The following GPR39 variants were observed in gnomAD, a reference collection of about 807,000 sequenced individuals.
GPR39 encodes the protein G protein-coupled receptor 39, also known as zinc sensing receptor.
A neutral mutation model predicts 18.4 loss-of-function variants in GPR39; 23 were observed. That is an observed-to-expected ratio of 1.25 (90% CI 0.90 to 1.77). The LOEUF (loss-of-function observed/expected upper bound fraction) is 1.77, where lower values mean the gene tolerates loss of function less well. Ranked by LOEUF, GPR39 falls within the 40% of genes most tolerant of loss-of-function variation. The pLI is 0.00. For synonymous variants in GPR39, 280 were observed against 257.9 expected (o/e 1.09, Z -0.82); for missense variants, 647 against 602.4 (o/e 1.07, Z -0.78).
At chr2:132,453,331 GT>G (rs1364902094) in intron 1 of GPR39, among the ~76,000 whole-genome samples, 2 of 152,012 alleles carry the variant, frequency 1.3e-5, no homozygotes, top group Non-Finnish European at 2.9e-5. Context: ...GGGGTTGTTT[GT>G]TTTTTACTTG....
chr2:132,565,647 G>A (rs575710912), intron 1 of GPR39, among the ~76,000 whole-genome samples: 18 of 144,588 alleles, frequency 1.2e-4, no homozygotes, highest in African/African-American at 3.1e-4. Flanking sequence ...GAGAATATGC[G>A]GTGTTTGATT....
At chr2:132,584,813 C>T (rs1680696562) in intron 1 of GPR39, among the ~76,000 whole-genome samples, 1 of 152,220 alleles carries the variant, frequency 6.6e-6, no homozygotes, top group Non-Finnish European at 1.5e-5. Flanking sequence ...TTCGCTCCCC[C>T]AAACTGGAAT....
chr2:132,427,403 G>A (rs569636272), intron 1 of GPR39, among the ~76,000 whole-genome samples: 2 of 149,902 alleles, frequency 1.3e-5, no homozygotes, highest in Non-Finnish European at 3.0e-5. Flanking sequence ...TCCTGACCTC[G>A]TGATCCACCC....
intron 1 of GPR39, among the ~76,000 whole-genome samples, chr2:132,547,985 C>T (rs1201123021): frequency 2.6e-5 from 4 of 152,162 alleles, no homozygotes; most frequent in Non-Finnish European, 5.9e-5. Flanking sequence ...CAGCCCAGCA[C>T]ACTTCTCCTT....
At chr2:132,449,005 G>A (rs772137210) in intron 1 of GPR39, among the ~76,000 whole-genome samples, 55 of 152,308 alleles carry the variant, frequency 3.6e-4, no homozygotes, top group South Asian at 8.3e-4. Flanking sequence ...CCTGCAGGCT[G>A]TTTGCAAACT....
chr2:132,587,615 TC>T (rs1680753371), intron 1 of GPR39, among the ~76,000 whole-genome samples: 1 of 152,140 alleles, frequency 6.6e-6, no homozygotes, highest in Admixed American at 6.5e-5. Context: ...CACTGCAACC[TC>T]TGCCTCCTGG....
chr2:132,511,907 G>C (rs547147645), intron 1 of GPR39, among the ~76,000 whole-genome samples: 1 of 149,414 alleles, frequency 6.7e-6, no homozygotes, highest in African/African-American at 2.5e-5. Context: ...TTGAACCACT[G>C]TGCTACGTGC....
intron 1 of GPR39, among the ~76,000 whole-genome samples, chr2:132,599,309 T>C (rs60796236): frequency 0.023 from 3,557 of 152,326 alleles, 149 homozygotes; most frequent in African/African-American, 0.078. Flanking sequence ...TCTGCTTTCC[T>C]ATAATCAGAA....
At chr2:132,641,043 C>A (rs947674667) in intron 1 of GPR39, among the ~76,000 whole-genome samples, 1 of 152,114 alleles carries the variant, frequency 6.6e-6, no homozygotes, top group African/African-American at 2.4e-5. Context: ...AACTATCTTT[C>A]AAAACACAGG....
chr2:132,470,591 A>T (rs1340509185), intron 1 of GPR39, among the ~76,000 whole-genome samples: 1 of 152,124 alleles, frequency 6.6e-6, no homozygotes, highest in East Asian at 1.9e-4. Context: ...AGGGTGAGCC[A>T]TTGTGGTTGT....
chr2:132,438,499 G>A (rs1233658094), intron 1 of GPR39, among the ~76,000 whole-genome samples: 1 of 150,828 alleles, frequency 6.6e-6, no homozygotes, highest in Non-Finnish European at 1.5e-5. Context: ...GATTCCCTTA[G>A]GTCAGGGGTT....
Position 132,417,165 on chromosome 2 carries a change from C to G in GPR39, c.123C>G (p.Phe41Leu). Residue 41 changes from phenylalanine (F) to leucine (L), a missense_variant, in exon 1 of 2, where the codon TTC (phenylalanine) becomes TTG (leucine). Physicochemically the swap from Phe to Leu is conservative, Grantham distance 22. Around this residue, in one of 3 missense-constraint regions of GPR39, gnomAD observed 61 missense variants for 79.2 expected, o/e 0.77. Transcript: ENST00000329321. ...ITLILVYLII[F>L]VMGLLGNSAT... ...TTATTCTGGTGTACCTGATCATCTT[C>G]GTGATGGGCCTTCTGGGGAACAGCG... 1.2e-6 allele frequency: 2 copies of G among 1,614,168 alleles called. No individual in the cohort carries two copies. The highest frequency in any genetic ancestry group is 1.7e-6 in the Non-Finnish European group (2 of 1,180,024).
chr2:132,618,472 C>T (rs767981212), intron 1 of GPR39, among the ~76,000 whole-genome samples: 5 of 152,166 alleles, frequency 3.3e-5, no homozygotes, highest in East Asian at 1.9e-4. Context: ...AGGGCTTTCT[C>T]GATCACAAAT....
At chr2:132,490,871 C>T (rs1050506687) in intron 1 of GPR39, among the ~76,000 whole-genome samples, 3 of 152,098 alleles carry the variant, frequency 2.0e-5, no homozygotes, top group Admixed American at 2.0e-4. Flanking sequence ...CCCCAAATAT[C>T]CACCCTGGTT....
chr2:132,490,734 A>AG (rs930311773), intron 1 of GPR39, among the ~76,000 whole-genome samples: 17 of 150,932 alleles, frequency 1.1e-4, no homozygotes, highest in African/African-American at 4.0e-4. Context: ...TGAGGGAGGT[A>AG]GGGTTTCAAG....
At chr2:132,644,668 A>C (rs1409003949) in intron 1 of GPR39, among the ~76,000 whole-genome samples, 3 of 137,262 alleles carry the variant, frequency 2.2e-5, no homozygotes, top group Admixed American at 1.5e-4. Context: ...TTCTTTGTGC[A>C]GACATCCTTT....
Position 132,505,762 on chromosome 2 carries a change from T to C in GPR39, c.856+87864T>C, listed in dbSNP as rs550345961. Among the ~76,000 whole-genome samples the C allele has an allele frequency of 3.3e-5, 5 of 152,376 alleles. No homozygotes were observed. The East Asian group carries it at 7.7e-4, about 23-fold the overall frequency. Reference sequence around the variant, plus strand: ...CTTTTTATGGCCATATAGTAATCCATTGTGTATATATGTCACATTTTTAAA... The same window carrying C: ...CTTTTTATGGCCATATAGTAATCCACTGTGTATATATGTCACATTTTTAAA... On this transcript the variant is annotated intron_variant, in intron 1 of 1. Transcript: ENST00000329321.
intron 1 of GPR39, among the ~76,000 whole-genome samples, chr2:132,600,194 C>T (rs752623103): frequency 1.8e-4 from 27 of 152,100 alleles, no homozygotes; most frequent in Non-Finnish European, 2.8e-4. Context: ...AAACATTTCT[C>T]GTAATGAATG....
chr2:132,460,285 A>G (rs1680807518), intron 1 of GPR39, among the ~76,000 whole-genome samples: 3 of 152,138 alleles, frequency 2.0e-5, no homozygotes, highest in African/African-American at 4.8e-5. Flanking sequence ...TTTTTCCTGA[A>G]TGGCTGTACC....
Sources: allele counts gnomAD v4.1 joint callset (sites outside exome capture counted in the v4.1 genomes callset), GRCh38; gene constraint gnomAD v4.1.1; regional missense constraint gnomAD v4.1.1; transcripts MANE v1.5; gene names NCBI Gene and HGNC (gene_info 2026-07-23, HGNC 2026-07-21).